Variants in SPATA31H1 observed in about 807,000 individuals in gnomAD.
The protein encoded by SPATA31H1 is spermatogenesis-associated protein 31H1.
chr2:27,561,827 T>C, the SPATA31H1 span, among the ~76,000 whole-genome samples: 1 of 152,124 alleles, frequency 6.6e-6, no homozygotes, highest in African/African-American at 2.4e-5. Context: ...GCCTCCTGAG[T>C]AGCTGGGACC....
At chr2:27,574,646 G>C in the SPATA31H1 span, 1 of 398,480 alleles carries the variant, frequency 2.5e-6, no homozygotes, top group Non-Finnish European at 4.4e-6. Context: ...AATCTTCTGA[G>C]TTGATTCAGG....
At chr2:27,567,487 T>A in the SPATA31H1 span, 6 of 415,554 alleles carry the variant, frequency 1.4e-5, no homozygotes, top group Admixed American at 7.9e-5. Context: ...CTTCCATCAT[T>A]TCAGCTCCAT....
chr2:27,541,282 G>C, the SPATA31H1 span, among the ~76,000 whole-genome samples: 2 of 151,780 alleles, frequency 1.3e-5, no homozygotes, highest in Non-Finnish European at 1.5e-5. Context: ...GCAATCGCAG[G>C]CACTCGGCAG....
the SPATA31H1 span, among the ~76,000 whole-genome samples, chr2:27,556,985 C>T: frequency 8.1e-5 from 3 of 36,922 alleles, no homozygotes; most frequent in African/African-American, 3.4e-4. Flanking sequence ...TCCATTTAAC[C>T]CTGAGTGGAC....
chr2:27,577,480 G>C, the SPATA31H1 span: 1 of 1,614,094 alleles, frequency 6.2e-7, no homozygotes, highest in Non-Finnish European at 8.5e-7. The surrounding 1 kb of genome is among the most constrained non-coding windows in gnomAD (Gnocchi z 4.5). Context: ...CAAGCCACTG[G>C]ATTTGCAGAG....
the SPATA31H1 span, among the ~76,000 whole-genome samples, chr2:27,552,927 A>G: frequency 6.6e-6 from 1 of 152,094 alleles, no homozygotes; most frequent in African/African-American, 2.4e-5. Context: ...GTCATCTGTG[A>G]ACACAGTTTT....
chr2:27,548,607 C>CAA, the SPATA31H1 span, among the ~76,000 whole-genome samples: 32,015 of 119,922 alleles, frequency 0.27, 4,634 homozygotes, highest in East Asian at 0.46. Flanking sequence ...GGCCCTGTTT[C>CAA]AAAAAAAAAA....
chr2:27,578,912 C>T, the SPATA31H1 span: 2 of 1,614,094 alleles, frequency 1.2e-6, no homozygotes, highest in Non-Finnish European at 1.7e-6. Context: ...CTGAAGAGAC[C>T]TATATAGACC....
At chr2:27,566,791 C>A in the SPATA31H1 span, 8 of 717,432 alleles carry the variant, frequency 1.1e-5, no homozygotes, top group African/African-American at 1.0e-4. Flanking sequence ...TCTTCCTCTA[C>A]CACCTCTGTT....
chr2:27,541,313 C>A, the SPATA31H1 span, among the ~76,000 whole-genome samples: 1 of 151,342 alleles, frequency 6.6e-6, no homozygotes. Context: ...GAGAATCAGG[C>A]AGGGAGGCTG....
chr2:27,574,867 G>T, the SPATA31H1 span: 319 of 398,470 alleles, frequency 8.0e-4, 3 homozygotes, highest in East Asian at 0.011. Context: ...TTCAGTTCTG[G>T]ATCACACTTG....
At chr2:27,576,895 C>T in the SPATA31H1 span, 1 of 1,614,070 alleles carries the variant, frequency 6.2e-7, no homozygotes. Flanking sequence ...GGGGAGCAAA[C>T]TCCAAGAACA....
At chr2:27,578,934 C>A in the SPATA31H1 span, 3 of 1,613,884 alleles carry the variant, frequency 1.9e-6, no homozygotes, top group African/African-American at 4.0e-5. Flanking sequence ...TACTATGATA[C>A]AATCTTTAAC....
the SPATA31H1 span, among the ~76,000 whole-genome samples, chr2:27,560,484 G>A: frequency 6.7e-6 from 1 of 148,978 alleles, no homozygotes; most frequent in Admixed American, 6.7e-5. Context: ...TTGAGATGGA[G>A]TCTTGCTCTG....
chr2:27,577,596 C>T, the SPATA31H1 span: 3 of 1,614,124 alleles, frequency 1.9e-6, no homozygotes, highest in South Asian at 3.3e-5. This position sits in a 1 kb window ranked among gnomAD's most constrained non-coding sequence, Gnocchi z 4.5. Flanking sequence ...GTCATTACAT[C>T]ACGTCCCAGA....
At chr2:27,577,606 A>G in the SPATA31H1 span, 2 of 1,614,154 alleles carry the variant, frequency 1.2e-6, no homozygotes, top group South Asian at 2.2e-5. This position sits in a 1 kb window ranked among gnomAD's most constrained non-coding sequence, Gnocchi z 4.5. Flanking sequence ...CACGTCCCAG[A>G]TTCTGCTTCA....
the SPATA31H1 span, among the ~76,000 whole-genome samples, chr2:27,545,259 G>T: frequency 1.3e-5 from 2 of 151,972 alleles, no homozygotes; most frequent in Non-Finnish European, 2.9e-5. Context: ...CTGACCTCAG[G>T]TGATCTGCCC....
the SPATA31H1 span, chr2:27,569,065 T>C: frequency 2.5e-6 from 1 of 398,664 alleles, no homozygotes; most frequent in Non-Finnish European, 4.4e-6. Flanking sequence ...CCAGGGCCAC[T>C]GAGCCAAACT....
At chr2:27,576,550 C>G in the SPATA31H1 span, 3 of 1,525,716 alleles carry the variant, frequency 2.0e-6, no homozygotes, top group African/African-American at 2.8e-5. Context: ...GCATCGAAGC[C>G]ATGCTTTCAA....
Sources: allele counts gnomAD v4.1 joint callset (sites outside exome capture counted in the v4.1 genomes callset), GRCh38; gene constraint gnomAD v4.1.1; non-coding constraint Gnocchi (gnomAD v3.1); transcripts MANE v1.5; gene names NCBI Gene and HGNC (gene_info 2026-07-23, HGNC 2026-07-21).